TMTC2: variants seen among roughly 807,000 people sequenced by gnomAD.
TMTC2 encodes transmembrane O-mannosyltransferase targeting cadherins 2.
Under a neutral mutation model 82.4 loss-of-function variants are expected in TMTC2, and 43 were observed. The observed-to-expected ratio is 0.52, with a 90% CI of 0.41 to 0.67. The LOEUF (loss-of-function observed/expected upper bound fraction) is 0.67. Among genes scored for constraint, TMTC2 ranks in the 30% least tolerant of loss-of-function variants. The probability of loss-of-function intolerance (pLI) is 0.00; values close to 1 mark genes in which losing one functional copy is unlikely to be tolerated. For missense variants in TMTC2, 919 were observed against 1,012.4 expected (o/e 0.91, Z 1.25); for synonymous variants, 408 against 381.9 (o/e 1.07, Z -0.80).
intron 11 of TMTC2, among the ~76,000 whole-genome samples, chr12:83,130,982 C>T (rs1033362198): frequency 1.3e-5 from 2 of 152,134 alleles, no homozygotes; most frequent in African/African-American, 4.8e-5. Flanking sequence ...TGTAGCATTG[C>T]TTTTGGTTCA....
In TMTC2 at chr12:82,966,939, G is replaced by A. The variant is rs2137306518; in HGVS notation, c.1890G>A (p.Lys630=). ...GHYEEALSVY[K]EAIQKMPRQF... is the part of the protein sequence containing the mutation. ...ATTAGGAAGCCCTTAGTGTATACAA[G>A]GAAGCAATTCAGAAAATGCCAAGGC... The change falls in exon 7 of 12, where the codon AAG becomes AAA. Residue 630 remains lysine, a synonymous_variant. Coordinates refer to ENST00000321196, the MANE Select transcript of TMTC2 (RefSeq NM_152588.3). The A allele has an allele frequency of 6.2e-7, 1 of 1,612,996 alleles. No homozygotes were observed. The highest frequency in any genetic ancestry group is 2.2e-5 in the East Asian group (1 of 44,844).
chr12:82,703,552 G>T (rs931769466), intron 1 of TMTC2, among the ~76,000 whole-genome samples: 1 of 149,024 alleles, frequency 6.7e-6, no homozygotes, highest in African/African-American at 2.5e-5. Context: ...AGGCTGGAGT[G>T]CAGTGGCACG....
chr12:82,955,961 T>G (rs1877591724), intron 4 of TMTC2, among the ~76,000 whole-genome samples: 2 of 152,146 alleles, frequency 1.3e-5, no homozygotes, highest in South Asian at 4.1e-4. Context: ...GCACTTTAAA[T>G]TCACATTAAT....
intron 9 of TMTC2, among the ~76,000 whole-genome samples, chr12:83,037,710 T>A (rs1036752524): frequency 6.6e-6 from 1 of 152,160 alleles, no homozygotes. Flanking sequence ...CCTTCGTGTA[T>A]TTTACATAAG....
intron 1 of TMTC2, among the ~76,000 whole-genome samples, chr12:82,794,517 G>A (rs1236752287): frequency 6.6e-6 from 1 of 152,052 alleles, no homozygotes; most frequent in Non-Finnish European, 1.5e-5. Flanking sequence ...CTGGTTGTGT[G>A]TGTGTTTTAT....
intron 1 of TMTC2, among the ~76,000 whole-genome samples, chr12:82,803,231 A>G (rs1328518956): frequency 6.6e-6 from 1 of 152,094 alleles, no homozygotes; most frequent in Non-Finnish European, 1.5e-5. Context: ...GAGAGGAACA[A>G]ATATTGGACT....
intron 2 of TMTC2, 65 bp downstream of exon 2, chr12:82,857,645 C>T: frequency 3.4e-6 from 5 of 1,458,426 alleles, no homozygotes. Flanking sequence ...TCCTTTGCCA[C>T]CATTTAAAAA....
At position 82,687,522 on chromosome 12, in the gene TMTC2, T is replaced by A. The variant is rs1872374064; in HGVS notation, c.-65T>A. 5 of 1,482,512 alleles carry A rather than the reference T, an allele frequency of 3.4e-6. No individual in the cohort carries two copies. The highest frequency in any genetic ancestry group is 2.4e-5 in the South Asian group (2 of 83,454). 91.8% of individuals were successfully genotyped at this position (1,482,512 alleles called of 1,614,324 possible). A position where few individuals can be genotyped will look rare whatever the true frequency, so the allele number is the denominator to read the frequency against. ...GCGGCGGAAGGTGGAGATTGATGCT[T>A]CTGTTTTTTGTTGCCGCTGCTGCCC... is the stretch of plus-strand genomic sequence containing the variant. On this transcript the variant is annotated 5_prime_UTR_variant, in exon 1 of 12. Coordinates refer to ENST00000321196, the MANE Select transcript of TMTC2 (RefSeq NM_152588.3).
chr12:82,994,357 C>T (rs934360895), intron 8 of TMTC2, among the ~76,000 whole-genome samples: 4 of 151,996 alleles, frequency 2.6e-5, no homozygotes, highest in Non-Finnish European at 5.9e-5. Flanking sequence ...GTTGGCCAGG[C>T]TGGTCTCAAG....
chr12:82,878,384 T>C (rs1427903307), intron 2 of TMTC2, among the ~76,000 whole-genome samples: 2 of 152,206 alleles, frequency 1.3e-5, no homozygotes, highest in Non-Finnish European at 1.5e-5. Context: ...ATACAAGTTA[T>C]GAGATTGGTG....
chr12:82,953,648 A>G (rs1417830014), intron 4 of TMTC2, among the ~76,000 whole-genome samples: 1 of 152,210 alleles, frequency 6.6e-6, no homozygotes, highest in Non-Finnish European at 1.5e-5. Flanking sequence ...ATCACATTTA[A>G]CAATTAAGTT....
intron 1 of TMTC2, among the ~76,000 whole-genome samples, chr12:82,812,292 C>T (rs368114604): frequency 6.6e-6 from 1 of 152,058 alleles, no homozygotes; most frequent in South Asian, 2.1e-4. Flanking sequence ...CTGTTTCTTT[C>T]TGTAATAGTG....
At chr12:83,042,359 A>G (rs1232002060) in intron 9 of TMTC2, among the ~76,000 whole-genome samples, 1 of 152,196 alleles carries the variant, frequency 6.6e-6, no homozygotes, top group Non-Finnish European at 1.5e-5. Context: ...ACCCCATTCT[A>G]TAAATGAGGC....
chr12:83,021,159 C>A (rs527642443), intron 8 of TMTC2, among the ~76,000 whole-genome samples: 1 of 152,068 alleles, frequency 6.6e-6, no homozygotes, highest in Non-Finnish European at 1.5e-5. Context: ...ATTTTCCCCC[C>A]TTGGCATTCT....
At chr12:83,060,216 A>T (rs1028818827) in intron 10 of TMTC2, among the ~76,000 whole-genome samples, 2 of 151,780 alleles carry the variant, frequency 1.3e-5, no homozygotes, top group Admixed American at 6.6e-5. Context: ...TACTTTCTTT[A>T]TAACCTCTAT....
chr12:82,802,933 G>C (rs1879080539), intron 1 of TMTC2, among the ~76,000 whole-genome samples: 1 of 152,168 alleles, frequency 6.6e-6, no homozygotes, highest in South Asian at 2.1e-4. Flanking sequence ...CTGGTTTGTA[G>C]TCATGAGGGC....
chr12:82,856,348 G>A (rs1187147156), intron 1 of TMTC2, among the ~76,000 whole-genome samples: 1 of 152,162 alleles, frequency 6.6e-6, no homozygotes, highest in Admixed American at 6.5e-5. Flanking sequence ...CAGTAGGAAG[G>A]GAAACACTGG....
At chr12:82,912,357 TA>T (rs1222774731) in intron 3 of TMTC2, among the ~76,000 whole-genome samples, 1 of 152,152 alleles carries the variant, frequency 6.6e-6, no homozygotes, top group Non-Finnish European at 1.5e-5. Context: ...GGGCTCTGTG[TA>T]GGAACTTGGA....
At chr12:82,724,070 G>A (rs1874330528) in intron 1 of TMTC2, among the ~76,000 whole-genome samples, 1 of 152,208 alleles carries the variant, frequency 6.6e-6, no homozygotes, top group Non-Finnish European at 1.5e-5. Flanking sequence ...GATAATATCT[G>A]CAAGATGCCC....
Sources: gnomAD v4.1 joint callset for allele counts (sites outside exome capture counted in the v4.1 genomes callset) on GRCh38, gnomAD v4.1.1 for gene constraint, MANE v1.5 for transcripts, NCBI Gene and HGNC (gene_info 2026-07-23, HGNC 2026-07-21) for gene names.